Variants in PLCH1 observed in about 807,000 individuals in gnomAD.
PLCH1 encodes the protein phospholipase C eta 1, also known as 1-phosphatidylinositol 4,5-bisphosphate phosphodiesterase eta-1.
In PLCH1, 60 loss-of-function variants were observed where a neutral mutation model predicts 126.7. That is an observed-to-expected ratio of 0.47 (90% CI 0.38 to 0.59). PLCH1 has a LOEUF of 0.59. PLCH1 is among the 20% of genes least tolerant of loss of function. The pLI is 0.00. For synonymous variants in PLCH1, 719 were observed against 734.9 expected (o/e 0.98, Z 0.35); for missense variants, 1,723 against 2,040.0 (o/e 0.84, Z 2.99).
rs146755828 is a variant in PLCH1, at chr3:155,460,085, C to G, written c.2938+25271G>C. 1.1e-3 allele frequency among the ~76,000 whole-genome samples: 160 copies of G among 152,152 alleles called. 1 individual carries two copies. Among genetic ancestry groups the G allele is most frequent in the African/African-American group, 3.8e-3 (156 of 41,516 alleles). On this transcript the variant is annotated intron_variant, in intron 21 of 21. Coordinates refer to the PLCH1 transcript ENST00000494598. Reference sequence around the variant, plus strand: ...TAAAGTTTAAGAATCATTGAACCAGCGTTTTGATTTGTACAATCAGAAATA... The same window carrying G: ...TAAAGTTTAAGAATCATTGAACCAGGGTTTTGATTTGTACAATCAGAAATA...
At chr3:155,558,479 C>T (rs1439102516) in intron 8 of PLCH1, among the ~76,000 whole-genome samples, 1 of 152,158 alleles carries the variant, frequency 6.6e-6, no homozygotes, top group Non-Finnish European at 1.5e-5. Context: ...CTTATACATA[C>T]ACCCTTGTTT....
chr3:155,580,730 T>C (rs1211596901), intron 6 of PLCH1, among the ~76,000 whole-genome samples: 1 of 152,104 alleles, frequency 6.6e-6, no homozygotes, highest in African/African-American at 2.4e-5. Context: ...TCTAAAGAAG[T>C]AACATTTCCA....
chr3:155,552,399 G>A lies in PLCH1; in HGVS notation c.1190+1677C>T, dbSNP rs142544326. ...GCTATATGATATGACAGAAATATGT[G>A]CAGGGTGCTAAATACAGAGAAAATA... On this transcript the variant is annotated intron_variant, in intron 9 of 22. Coordinates refer to ENST00000460012, the MANE Select transcript of PLCH1 (RefSeq NM_014996.4). Among the ~76,000 whole-genome samples the A allele has an allele frequency of 3.3e-5, 5 of 152,318 alleles. No individual in the cohort carries two copies. In the East Asian group the frequency reaches 9.6e-4, roughly 29 times the overall value.
chr3:155,608,261 G>A (rs914165997), intron 2 of PLCH1, among the ~76,000 whole-genome samples: 1 of 152,222 alleles, frequency 6.6e-6, no homozygotes, highest in Non-Finnish European at 1.5e-5. Context: ...GTCACAAGGT[G>A]AAAGAAGCTT....
chr3:155,602,329 AC>A (rs1448356001), intron 2 of PLCH1, among the ~76,000 whole-genome samples: 2 of 152,318 alleles, frequency 1.3e-5, no homozygotes, highest in Non-Finnish European at 2.9e-5. Flanking sequence ...AAATCAGATA[AC>A]AATGGCCCTG....
rs146644809 is a variant in PLCH1, at chr3:155,485,609, A to G, written c.2721T>C (p.Asp907=). Residue 907 remains aspartate, a synonymous_variant, in exon 22 of 23, where the codon GAT becomes GAC. Coordinates refer to ENST00000460012, the MANE Select transcript of PLCH1 (RefSeq NM_014996.4). ...SHYVRKRSIG[D]RILRRTASAP... The stretch of plus-strand genomic sequence containing the variant: ...CGCTAGCTGTGCGTCGCAGAATTCT[A>G]TCTCCAATGGATCGCTTCCGTACAT... 3.8e-3 allele frequency: 6,197 copies of G among 1,613,690 alleles called. 16 individuals are homozygous for G. The highest frequency in any genetic ancestry group is 4.9e-3 in the Non-Finnish European group (5,764 of 1,179,980).
In PLCH1 at chr3:155,497,380, C is replaced by G. The variant is rs746817833; in HGVS notation, c.1834G>C (p.Glu612Gln). ...GTGTACACAACCAAATCAGAGAGTT[C>G]TCGGCAGAGCTTCATGGTTTTCCTT... Reference protein sequence around the residue: ...RRRKTMKLCRELSDLVVYTNS... With the variant: ...RRRKTMKLCRQLSDLVVYTNS... The change falls in exon 15 of 23, where the codon GAA (glutamate) becomes CAA (glutamine). Residue 612 changes from glutamate to glutamine, a missense_variant. Physicochemically the swap from Glu to Gln is conservative, Grantham distance 29. Coordinates refer to ENST00000460012, the MANE Select transcript of PLCH1 (RefSeq NM_014996.4). The G allele has an allele frequency of 7.4e-6, 12 of 1,613,868 alleles. No individual in the cohort carries two copies. In the South Asian group the frequency reaches 1.3e-4, roughly 18 times the overall value.
In PLCH1 at chr3:155,596,317, G is replaced by T; in HGVS notation, c.141C>A (p.Thr47=). Residue 47 remains threonine, a synonymous_variant, in exon 3 of 23, where the codon ACC becomes ACA. Coordinates refer to ENST00000460012, the MANE Select transcript of PLCH1 (RefSeq NM_014996.4). ...GGTAAAAGAGGCGGACAAGCCCTTT[G>T]GTTCCACGTTTCAGCTTGATCATCT... ...GTQMIKLKRG[T]KGLVRLFYLD... 3 of 1,613,266 alleles carry T rather than the reference G, an allele frequency of 1.9e-6. No individual in the cohort carries two copies. Among genetic ancestry groups the T allele is most frequent in the South Asian group, 1.1e-5 (1 of 91,032 alleles).
intron 13 of PLCH1, 116 bp from the exon 14 acceptor site, chr3:155,500,910 G>A (rs1717798178): frequency 4.5e-6 from 3 of 673,372 alleles, no homozygotes; most frequent in Admixed American, 4.8e-5. Flanking sequence ...CTTGGAGGGA[G>A]AAAATGACCA....
At chr3:155,632,124 C>T (rs1191464693) in intron 2 of PLCH1, among the ~76,000 whole-genome samples, 3 of 152,072 alleles carry the variant, frequency 2.0e-5, no homozygotes, top group South Asian at 2.1e-4. Context: ...TGTCAGACAC[C>T]GGACATGGCT....
At chr3:155,503,831 C>A (rs1718265941) in intron 13 of PLCH1, among the ~76,000 whole-genome samples, 2 of 152,220 alleles carry the variant, frequency 1.3e-5, no homozygotes, top group Non-Finnish European at 2.9e-5. Context: ...AGCCACCACG[C>A]CTGGCCTATT....
At chr3:155,571,050 T>A (rs1729153298) in intron 6 of PLCH1, among the ~76,000 whole-genome samples, 2 of 152,146 alleles carry the variant, frequency 1.3e-5, no homozygotes, top group Non-Finnish European at 2.9e-5. Flanking sequence ...TAGAAACTAG[T>A]CATAGATCTA....
At chr3:155,653,132 T>TAGATAG (rs1740913083) in intron 2 of PLCH1, among the ~76,000 whole-genome samples, 2 of 37,694 alleles carry the variant, frequency 5.3e-5, no homozygotes, top group Admixed American at 5.9e-4. Context: ...GATATAGATA[T>TAGATAG]AGATATAGAT....
intron 1 of PLCH1, among the ~76,000 whole-genome samples, chr3:155,736,657 C>T (rs1210153831): frequency 6.6e-6 from 1 of 152,184 alleles, no homozygotes. Context: ...TGCAAAACCT[C>T]TCCCGCCCTG....
intron 2 of PLCH1, among the ~76,000 whole-genome samples, chr3:155,611,609 C>A (rs1020337525): frequency 6.6e-6 from 1 of 152,100 alleles, no homozygotes; most frequent in African/African-American, 2.4e-5. Context: ...CTAGACAGGT[C>A]ATCAAGACAG....
chr3:155,490,909 TC>T (rs1172804293), intron 18 of PLCH1, 41 bp from the exon 19 acceptor site: 2 of 1,064,626 alleles, frequency 1.9e-6, no homozygotes, highest in African/African-American at 3.1e-5. Context: ...ATAACATATT[TC>T]TATACATATG....
At position 155,485,477 on chromosome 3, in the gene PLCH1, C is replaced by G; in HGVS notation, c.2853G>C (p.Arg951Ser). The G allele has an allele frequency of 6.2e-7, 1 of 1,614,034 alleles. No individual in the cohort carries two copies. The highest frequency in any genetic ancestry group is 1.1e-5 in the South Asian group (1 of 91,070). ...GGCGTGCTTGCAAACTGCGTGTGGT[C>G]CTCCTCAGCACGCCATCTTGATCTC... is the stretch of plus-strand genomic sequence containing the variant. ...ATRDQDGVLRRTTRSLQARPV... is the reference protein window; with the variant it reads ...ATRDQDGVLRSTTRSLQARPV... The change falls in exon 22 of 23, where the codon AGG becomes AGC. Residue 951 changes from arginine (R) to serine (S), a missense_variant. By Grantham distance (110) the Arg-to-Ser change is moderately radical. Coordinates refer to ENST00000460012, the MANE Select transcript of PLCH1 (RefSeq NM_014996.4).
intron 11 of PLCH1, among the ~76,000 whole-genome samples, chr3:155,523,522 G>A (rs1047277329): frequency 6.7e-6 from 1 of 149,032 alleles, no homozygotes; most frequent in Non-Finnish European, 1.5e-5. Context: ...AGCCTTGACA[G>A]GGAGCATGGG....
chr3:155,690,702 A>G (rs912326941), intron 2 of PLCH1, among the ~76,000 whole-genome samples: 1 of 152,156 alleles, frequency 6.6e-6, no homozygotes, highest in African/African-American at 2.4e-5. Flanking sequence ...AATGCTTTGT[A>G]TGATGAAAAA....
Sources: gnomAD v4.1 joint callset for allele counts (sites outside exome capture counted in the v4.1 genomes callset) on GRCh38, gnomAD v4.1.1 for gene constraint, MANE v1.5 for transcripts, NCBI Gene and HGNC (gene_info 2026-07-23, HGNC 2026-07-21) for gene names.